The following TINF2 variants were observed in gnomAD, a reference collection of about 807,000 sequenced individuals.
TINF2 encodes the protein TERF1 interacting nuclear factor 2.
Under a neutral mutation model 50.4 loss-of-function variants are expected in TINF2, and 27 were observed. The observed-to-expected ratio is 0.54, with a 90% confidence interval of 0.40 to 0.74. The LOEUF (loss-of-function observed/expected upper bound fraction) is 0.74. Ranked by LOEUF, TINF2 falls within the 30% of genes least tolerant of loss-of-function variation. The pLI is 0.00. For synonymous variants in TINF2, 223 were observed against 214.6 expected (o/e 1.04, Z -0.34); for missense variants, 496 against 551.5 (o/e 0.90, Z 1.01).
Position 24,242,340 on chromosome 14 carries a change from G to T in TINF2, c.-8C>A. The T allele has an allele frequency of 6.2e-7, 1 of 1,610,482 alleles. No individual in the cohort carries two copies. On this transcript the variant is annotated 5_prime_UTR_variant, in exon 1 of 9. Transcript: ENST00000267415. ...CACCAGGGGCGTAGCCATGGTCGGC[G>T]GGCTCCGCCCGGAGGCGGTCCCTCC...
chr14:24,239,931 C>G lies in TINF2; in HGVS notation c.1222G>C (p.Glu408Gln), dbSNP rs1594548909. Residue 408 changes from glutamate to glutamine, a missense_variant and splice_region_variant, in exon 9 of 9, where the codon GAA becomes CAA. Physicochemically the swap from Glu to Gln is conservative, Grantham distance 29 (BLOSUM62 2). Transcript: ENST00000267415. ...GTCTTCTGATAGTTTTCCAGAGATTCCTGTAGAGAAGGGAGCAGGGAGAGC... is the reference window on the plus strand; with the variant it reads ...GTCTTCTGATAGTTTTCCAGAGATTGCTGTAGAGAAGGGAGCAGGGAGAGC... ...EEENGQGEGK[E>Q]SLENYQKTKF... is the part of the protein sequence containing the mutation. 7 of 1,614,032 alleles carry G rather than the reference C, an allele frequency of 4.3e-6. No individual in the cohort carries two copies. The highest frequency in any genetic ancestry group is 5.9e-6 in the Non-Finnish European group (7 of 1,180,038).
rs886050434 is a variant in TINF2, at chr14:24,242,555, G to C, written c.-223C>G. 6 of 1,407,270 alleles carry C rather than the reference G, an allele frequency of 4.3e-6. No homozygotes were observed. Among genetic ancestry groups the C allele is most frequent in the Non-Finnish European group, 2.8e-6 (3 of 1,083,808 alleles). The allele number at this position is 1,407,270 out of a possible 1,614,324, so 87.2% of individuals were successfully genotyped here. ...CTGGAGGAGCCTGAGTGGAGAAGCT[G>C]ACCGTCTCCAGTGGCACTGGGTCGC... On this transcript the variant is annotated 5_prime_UTR_variant, in exon 1 of 9. Transcript: ENST00000267415.
In TINF2 at chr14:24,239,732, C is replaced by T; in HGVS notation, c.*65G>A. On this transcript the variant is annotated 3_prime_UTR_variant, in exon 9 of 9. Transcript: ENST00000267415. Reference sequence around the variant, plus strand: ...TCCAAGCCTGGACTTCCACTTCATTCCTACTAAACTACTTGCAGAGCTGAG... The same window carrying T: ...TCCAAGCCTGGACTTCCACTTCATTTCTACTAAACTACTTGCAGAGCTGAG... The T allele has an allele frequency of 6.2e-7, 1 of 1,613,746 alleles. No homozygotes were observed. Among genetic ancestry groups the T allele is most frequent in the Non-Finnish European group, 8.5e-7 (1 of 1,179,930 alleles).
intron 1 of TINF2, 47 bp downstream of exon 1, chr14:24,242,094 C>G: frequency 6.2e-7 from 1 of 1,614,138 alleles, no homozygotes; most frequent in Non-Finnish European, 8.5e-7. Flanking sequence ...TGCTCGCATC[C>G]CGCCCCTTTC....
At position 24,242,612 on chromosome 14, in the gene TINF2, C is replaced by G; in HGVS notation, c.-280G>C. 1.6e-6 allele frequency: 2 copies of G among 1,276,568 alleles called. No individual in the cohort carries two copies. Among genetic ancestry groups the G allele is most frequent in the East Asian group, 3.7e-5 (1 of 27,360 alleles). 79.1% of individuals were successfully genotyped at this position (1,276,568 alleles called of 1,614,324 possible). On this transcript the variant is annotated 5_prime_UTR_variant, in exon 1 of 9. Coordinates refer to ENST00000267415, the MANE Select transcript of TINF2 (RefSeq NM_001099274.3). ...TTAAACGTCGCCGCTGTCTCGAGCC[C>G]GAGGGTGCCTCACTTCCGGCTCCGC... is the stretch of plus-strand genomic sequence containing the variant.
Position 24,242,167 on chromosome 14 carries a change from G to C in TINF2, c.166C>G (p.Arg56Gly), listed in dbSNP as rs753814680. 6.2e-6 allele frequency: 10 copies of C among 1,614,130 alleles called. No homozygotes were observed. Among genetic ancestry groups the C allele is most frequent in the Non-Finnish European group, 7.6e-6 (9 of 1,180,046 alleles). Residue 56 changes from arginine (R) to glycine (G), a missense_variant, in exon 1 of 9, where the codon CGC becomes GGC. By Grantham distance (125) the Arg-to-Gly change is moderately radical. This residue lies in a region of TINF2 where 314 missense variants were observed against 343.8 expected (regional missense o/e 0.91). Coordinates refer to ENST00000267415, the MANE Select transcript of TINF2 (RefSeq NM_001099274.3). ...PGLVRYRHHE[R>G]LCMGLKAKVV... Reference sequence around the variant, plus strand: ...TTGGCCTTTAGGCCCATACAAAGGCGTTCGTGGTGCCGGTAGCGAACCAAG... The same window carrying C: ...TTGGCCTTTAGGCCCATACAAAGGCCTTCGTGGTGCCGGTAGCGAACCAAG...
Position 24,242,448 on chromosome 14 carries a change from C to A in TINF2, c.-116G>T. The A allele has an allele frequency of 6.9e-7, 1 of 1,456,716 alleles. No individual in the cohort carries two copies. Among genetic ancestry groups the A allele is most frequent in the Non-Finnish European group, 9.0e-7 (1 of 1,112,046 alleles). 90.2% of individuals were successfully genotyped at this position (1,456,716 alleles called of 1,614,324 possible). ...GCAACTCCCTGTCGCTCCGGTCTGT[C>A]GGCTCTGGGTACCTCGCGATCTGAC... On this transcript the variant is annotated 5_prime_UTR_variant, in exon 1 of 9. Coordinates refer to ENST00000267415, the MANE Select transcript of TINF2 (RefSeq NM_001099274.3).
upstream of TINF2, chr14:24,242,655 C>T: frequency 8.4e-7 from 1 of 1,185,146 alleles, no homozygotes; most frequent in Non-Finnish European, 1.1e-6. Flanking sequence ...TTCCCTTGCC[C>T]CGGAAAAGGG....
Position 24,240,438 on chromosome 14 carries a change from G to C in TINF2, c.1042C>G (p.Pro348Ala). 6.2e-7 allele frequency: 1 copy of C among 1,614,152 alleles called. No homozygotes were observed. Among genetic ancestry groups the C allele is most frequent in the Non-Finnish European group, 8.5e-7 (1 of 1,180,028 alleles). Residue 348 changes from proline to alanine, a missense_variant, in exon 6 of 9, where the codon CCT (proline) becomes GCT (alanine). Pro to Ala is a conservative substitution (Grantham distance 27). Coordinates refer to ENST00000267415, the MANE Select transcript of TINF2 (RefSeq NM_001099274.3). Reference sequence around the variant, plus strand: ...ACTCACTCCTTTTGCTCTGTGGCAGGCAAGTCAACTGGGTTCTCCTTCAGA... The same window carrying C: ...ACTCACTCCTTTTGCTCTGTGGCAGCCAAGTCAACTGGGTTCTCCTTCAGA... ...RALKENPVDL[P>A]ATEQKENCLD...
In TINF2 at chr14:24,242,335, T is replaced by G; in HGVS notation, c.-3A>C. 2 of 1,610,898 alleles carry G rather than the reference T, an allele frequency of 1.2e-6. No individual in the cohort carries two copies. The highest frequency in any genetic ancestry group is 1.7e-6 in the Non-Finnish European group (2 of 1,178,758). On this transcript the variant is annotated 5_prime_UTR_variant, in exon 1 of 9. Coordinates refer to ENST00000267415, the MANE Select transcript of TINF2 (RefSeq NM_001099274.3). ...CCCGCCACCAGGGGCGTAGCCATGG[T>G]CGGCGGGCTCCGCCCGGAGGCGGTC...
Position 24,241,765 on chromosome 14 carries a change from A to C in TINF2, c.309T>G (p.Asp103Glu). ...CCTGTGCCTCCAAAATCTTCCTCAG[A>C]TCCTGCTTTGTCTGTTGAGGATACA... ...IVRDPKATKQDLRKILEAQET... is the reference protein window; with the variant it reads ...IVRDPKATKQELRKILEAQET... The change falls in exon 3 of 9, where the codon GAT (aspartate) becomes GAG (glutamate). Residue 103 changes from aspartate (D) to glutamate (E), a missense_variant. Around this residue, in one of 3 missense-constraint regions of TINF2, gnomAD observed 314 missense variants for 343.8 expected, o/e 0.91. Coordinates refer to ENST00000267415, the MANE Select transcript of TINF2 (RefSeq NM_001099274.3). 1 of 1,613,844 alleles carries C rather than the reference A, an allele frequency of 6.2e-7. No homozygotes were observed. The highest frequency in any genetic ancestry group is 8.5e-7 in the Non-Finnish European group (1 of 1,179,884).
intron 1 of TINF2, 42 bp downstream of exon 1, chr14:24,242,099 C>A (rs981769083): frequency 1.2e-6 from 2 of 1,614,172 alleles, no homozygotes; most frequent in Non-Finnish European, 1.7e-6. Flanking sequence ...GCATCCCGCC[C>A]CTTTCTTTCT....
rs2040522828 is a variant in TINF2, at chr14:24,239,741, C to T, written c.*56G>A. 1 of 1,613,874 alleles carries T rather than the reference C, an allele frequency of 6.2e-7. No homozygotes were observed. The highest frequency in any genetic ancestry group is 8.5e-7 in the Non-Finnish European group (1 of 1,179,976). Reference sequence around the variant, plus strand: ...GGACTTCCACTTCATTCCTACTAAACTACTTGCAGAGCTGAGGAGGCAGGA... The same window carrying T: ...GGACTTCCACTTCATTCCTACTAAATTACTTGCAGAGCTGAGGAGGCAGGA... On this transcript the variant is annotated 3_prime_UTR_variant, in exon 9 of 9. Transcript: ENST00000267415.
rs760918560 is a variant in TINF2, at chr14:24,240,872, C to A, written c.608G>T (p.Cys203Phe). The A allele has an allele frequency of 1.2e-6, 2 of 1,613,892 alleles. No homozygotes were observed. The highest frequency in any genetic ancestry group is 1.7e-6 in the Non-Finnish European group (2 of 1,180,040). ...CAGGTTCACTGAGTCAGTAACAGAG[C>A]ACTCTGAAAAAGAAAATGAGGCCCC... is the stretch of plus-strand genomic sequence containing the variant. ...GVDMGWLLPECSVTDSVNLAE... is the reference protein window; with the variant it reads ...GVDMGWLLPEFSVTDSVNLAE... Residue 203 changes from cysteine to phenylalanine, a missense_variant, in exon 6 of 9, where the codon TGC becomes TTC. Cys to Phe is a radical substitution (Grantham distance 205). This residue lies in a region of TINF2 where 314 missense variants were observed against 343.8 expected (regional missense o/e 0.91). Transcript: ENST00000267415.
chr14:24,242,548 A>G lies in TINF2; in HGVS notation c.-216T>C, dbSNP rs1474867232. 2.1e-6 allele frequency: 3 copies of G among 1,412,090 alleles called. No homozygotes were observed. The highest frequency in any genetic ancestry group is 2.8e-6 in the Non-Finnish European group (3 of 1,086,828). 87.5% of individuals were successfully genotyped at this position (1,412,090 alleles called of 1,614,324 possible). On this transcript the variant is annotated 5_prime_UTR_variant, in exon 1 of 9. Coordinates refer to ENST00000267415, the MANE Select transcript of TINF2 (RefSeq NM_001099274.3). The stretch of plus-strand genomic sequence containing the variant: ...GCTCGGGCTGGAGGAGCCTGAGTGG[A>G]GAAGCTGACCGTCTCCAGTGGCACT...
upstream of TINF2, chr14:24,242,645 T>G (rs2040606693): frequency 6.7e-6 from 8 of 1,197,076 alleles, no homozygotes; most frequent in South Asian, 2.0e-5. Context: ...CGCTACTAGC[T>G]TCCCTTGCCC....
At chr14:24,241,525 G>A (rs1353455845) in intron 3 of TINF2, 150 bp downstream of exon 3, 5 of 813,232 alleles carry the variant, frequency 6.1e-6, no homozygotes, top group Non-Finnish European at 8.2e-6. Context: ...GCTGAGGCAG[G>A]AGAATCGCTT....
rs2040583306 is a variant in TINF2, at chr14:24,241,704, C to G, written c.370G>C (p.Ala124Pro). ...AGCTTCGAGGCCAAATCCACAGGAG[C>G]CTCTGACAGCTGCTTCACCTGCTGG... is the stretch of plus-strand genomic sequence containing the variant. The part of the protein sequence containing the change: ...FYQQVKQLSE[A>P]PVDLASKLQE... The change falls in exon 3 of 9, where the codon GCT becomes CCT. Residue 124 changes from alanine (A) to proline (P), a missense_variant. Around this residue, in one of 3 missense-constraint regions of TINF2, gnomAD observed 314 missense variants for 343.8 expected, o/e 0.91. Coordinates refer to ENST00000267415, the MANE Select transcript of TINF2 (RefSeq NM_001099274.3). 3 of 1,612,870 alleles carry G rather than the reference C, an allele frequency of 1.9e-6. No individual in the cohort carries two copies. The highest frequency in any genetic ancestry group is 2.5e-6 in the Non-Finnish European group (3 of 1,179,410).
Position 24,241,039 on chromosome 14 carries a change from G to A in TINF2, c.585C>T (p.Asp195=), listed in dbSNP as rs2040566688. 1 of 1,613,978 alleles carries A rather than the reference G, an allele frequency of 6.2e-7. No homozygotes were observed. Among genetic ancestry groups the A allele is most frequent in the African/African-American group, 1.3e-5 (1 of 74,890 alleles). ...TAGTACCTGGAAGCAGCCACCCCAT[G>A]TCCACACCATATTGTCTCCAGGCAA... ...SSLAWRQYGV[D]MGWLLPECSV... The change falls in exon 5 of 9, where the codon GAC becomes GAT. Residue 195 remains aspartate (D), a synonymous_variant. Coordinates refer to ENST00000267415, the MANE Select transcript of TINF2 (RefSeq NM_001099274.3).
Sources: allele counts gnomAD v4.1 joint callset, GRCh38; gene constraint gnomAD v4.1.1; regional missense constraint gnomAD v4.1.1; transcripts MANE v1.5; gene names NCBI Gene and HGNC (gene_info 2026-07-23, HGNC 2026-07-21).